Variants in SND1 observed in about 807,000 individuals in gnomAD.
SND1 encodes the protein staphylococcal nuclease and tudor domain containing 1, also known as staphylococcal nuclease domain-containing protein 1.
SND1 carries 38 observed loss-of-function variants against 121.7 expected under a neutral mutation model. The ratio of observed to expected loss-of-function variants is 0.31; its 90% CI spans 0.24 to 0.41. SND1 has a LOEUF of 0.41. SND1 is among the 10% of genes least tolerant of loss of function. The pLI, the probability that SND1 is intolerant of heterozygous loss-of-function variation, is 1.00. For synonymous variants in SND1, 401 were observed against 447.4 expected (o/e 0.90, Z 1.31); for missense variants, 868 against 1,184.6 (o/e 0.73, Z 3.92).
chr7:127,983,107 A>G (rs1203655890), intron 15 of SND1, among the ~76,000 whole-genome samples: 1 of 152,152 alleles, frequency 6.6e-6, no homozygotes, highest in Non-Finnish European at 1.5e-5. Context: ...CTTTATACGG[A>G]GTTTAAGTAT....
intron 10 of SND1, among the ~76,000 whole-genome samples, chr7:127,749,693 G>A (rs753145537): frequency 6.6e-6 from 1 of 152,140 alleles, no homozygotes; most frequent in Non-Finnish European, 1.5e-5. Context: ...TAATCCAGGA[G>A]GACAGGAATT....
chr7:127,968,883 C>T (rs1244931038), intron 15 of SND1, among the ~76,000 whole-genome samples: 1 of 152,204 alleles, frequency 6.6e-6, no homozygotes, highest in Non-Finnish European at 1.5e-5. Context: ...TCCCCAAATC[C>T]TTGGCTTCCT....
chr7:127,821,044 T>C (rs1798537903), intron 11 of SND1, among the ~76,000 whole-genome samples: 1 of 152,222 alleles, frequency 6.6e-6, no homozygotes, highest in Non-Finnish European at 1.5e-5. Context: ...CCTTGGATCC[T>C]CCCGAATGAA....
chr7:127,871,211 G>T (rs928598881), intron 12 of SND1, among the ~76,000 whole-genome samples: 1 of 152,068 alleles, frequency 6.6e-6, no homozygotes, highest in African/African-American at 2.4e-5. Flanking sequence ...TCTACCTGAG[G>T]CTGTTTTACA....
At chr7:127,697,280 T>G (rs1796020640) in intron 3 of SND1, among the ~76,000 whole-genome samples, 1 of 152,208 alleles carries the variant, frequency 6.6e-6, no homozygotes, top group Admixed American at 6.5e-5. Flanking sequence ...TCATCCACAT[T>G]TCGTTGCCTC....
At chr7:127,687,289 T>C (rs1795829935) in intron 2 of SND1, 1 of 152,222 alleles carries the variant, frequency 6.6e-6, no homozygotes, top group African/African-American at 2.4e-5. Flanking sequence ...CTATAAATGC[T>C]AGGCCCATAT....
intron 16 of SND1, among the ~76,000 whole-genome samples, chr7:128,044,159 T>C (rs1424057137): frequency 6.6e-6 from 1 of 152,222 alleles, no homozygotes; most frequent in Non-Finnish European, 1.5e-5. Context: ...TCCATTTGGC[T>C]GAACGAGAGT....
chr7:127,689,802 C>T (rs1467264981), intron 2 of SND1, among the ~76,000 whole-genome samples: 2 of 152,134 alleles, frequency 1.3e-5, no homozygotes, highest in East Asian at 3.9e-4. Flanking sequence ...TCCTAATAAT[C>T]CAATGTCTCC....
At chr7:127,888,092 C>A (rs1033369438) in intron 13 of SND1, 80 bp downstream of exon 13, 2 of 811,782 alleles carry the variant, frequency 2.5e-6, no homozygotes, top group Non-Finnish European at 2.0e-6. Context: ...TATACCTGAG[C>A]AGAATGTGTT....
chr7:128,058,684 C>G (rs1793181979), intron 16 of SND1, among the ~76,000 whole-genome samples: 1 of 152,228 alleles, frequency 6.6e-6, no homozygotes, highest in Non-Finnish European at 1.5e-5. Flanking sequence ...CTTTCTGACT[C>G]CTTTGATCGC....
chr7:127,924,100 G>A (rs1424997149), intron 14 of SND1, among the ~76,000 whole-genome samples: 1 of 151,978 alleles, frequency 6.6e-6, no homozygotes, highest in African/African-American at 2.4e-5. Flanking sequence ...CCTCAGGTCA[G>A]CCCTGGTGGG....
intron 10 of SND1, among the ~76,000 whole-genome samples, chr7:127,738,933 C>T (rs907580647): frequency 2.4e-4 from 36 of 152,144 alleles, no homozygotes; most frequent in Admixed American, 1.0e-3. Flanking sequence ...GCTAGCCTTA[C>T]GAGCCAGTAG....
At chr7:127,685,194 A>G (rs1283729715) in intron 1 of SND1, among the ~76,000 whole-genome samples, 1 of 152,172 alleles carries the variant, frequency 6.6e-6, no homozygotes, top group East Asian at 1.9e-4. Context: ...GTGTATTTAT[A>G]TCAATATTTA....
chr7:127,907,622 C>T (rs79876780), intron 14 of SND1, among the ~76,000 whole-genome samples: 8,965 of 152,190 alleles, frequency 0.059, 776 homozygotes, highest in African/African-American at 0.19. Flanking sequence ...ATATCTCTCA[C>T]CACCCTCCTC....
intron 16 of SND1, among the ~76,000 whole-genome samples, chr7:128,044,478 G>C: frequency 6.6e-6 from 1 of 152,062 alleles, no homozygotes; most frequent in African/African-American, 2.4e-5. Flanking sequence ...TTTCCTGTAT[G>C]GGTCCCATAC....
chr7:127,812,498 G>C (rs1019042108), intron 11 of SND1, among the ~76,000 whole-genome samples: 5 of 152,224 alleles, frequency 3.3e-5, no homozygotes, highest in African/African-American at 9.6e-5. Context: ...TTTGAAGCTT[G>C]ATTTCTCTTT....
At chr7:127,904,487 G>A (rs1338152847) in intron 13 of SND1, 1 of 285,960 alleles carries the variant, frequency 3.5e-6, no homozygotes, top group African/African-American at 2.1e-5. Flanking sequence ...AAGTAAGGCA[G>A]CCCTCTGATT....
Position 127,863,267 on chromosome 7 carries a change from C to T in SND1, c.1343+18843C>T, listed in dbSNP as rs938927676. On this transcript the variant is annotated intron_variant, in intron 12 of 23. Coordinates refer to ENST00000354725, the MANE Select transcript of SND1 (RefSeq NM_014390.4). The stretch of plus-strand genomic sequence containing the variant: ...GTCCAGTATCCCACACAGCTTCTTT[C>T]TGTACCTCCTGCTGCTCTTAAAAGC... Among the ~76,000 whole-genome samples, 8 of 152,328 alleles carry T rather than the reference C, an allele frequency of 5.3e-5. 1 individual carries two copies. Among genetic ancestry groups the T allele is most frequent in the African/African-American group, 1.9e-4 (8 of 41,580 alleles).
intron 12 of SND1, among the ~76,000 whole-genome samples, chr7:127,881,557 A>G (rs1438589232): frequency 6.6e-6 from 1 of 152,148 alleles, no homozygotes; most frequent in African/African-American, 2.4e-5. Context: ...GTATATATGT[A>G]TATGGGGAAA....
Sources: gnomAD v4.1 joint callset for allele counts (sites outside exome capture counted in the v4.1 genomes callset) on GRCh38, gnomAD v4.1.1 for gene constraint, MANE v1.5 for transcripts, NCBI Gene and HGNC (gene_info 2026-07-23, HGNC 2026-07-21) for gene names.